Variants in CHUK observed in about 807,000 individuals in gnomAD.
CHUK encodes the protein inhibitor of nuclear factor kappa-B kinase subunit alpha.
CHUK carries 35 observed loss-of-function variants against 104.8 expected under a neutral mutation model. The observed-to-expected ratio is 0.33, with a 90% CI of 0.26 to 0.44. The LOEUF is 0.44. Among genes scored for constraint, CHUK ranks in the 20% least tolerant of loss-of-function variants. The pLI, the probability that CHUK is intolerant of heterozygous loss-of-function variation, is 1.00. For missense variants in CHUK, 663 were observed against 902.7 expected (o/e 0.73, Z 3.40); for synonymous variants, 276 against 291.9 (o/e 0.95, Z 0.56).
intron 9 of CHUK, among the ~76,000 whole-genome samples, chr10:100,211,421 C>T (rs1328347812): frequency 6.6e-6 from 1 of 151,994 alleles, no homozygotes; most frequent in Non-Finnish European, 1.5e-5. Flanking sequence ...CATTTTTGTA[C>T]CTTTTTTTTC....
At position 100,201,940 on chromosome 10, in the gene CHUK, C is replaced by A; in HGVS notation, c.1569+148G>T. The A allele has an allele frequency of 7.2e-6, 5 of 690,222 alleles. No homozygotes were observed. In the South Asian group the frequency reaches 7.8e-5, roughly 11 times the overall value. The allele number at this position is 690,222 out of a possible 1,614,324, so 42.8% of individuals were successfully genotyped here. The stretch of plus-strand genomic sequence containing the variant: ...CTTGTTTTTAATCACTATGATACAT[C>A]CCTCTTTATATACAAAGCATCTACT... On this transcript the variant is annotated intron_variant, in intron 14 of 20. Coordinates refer to ENST00000370397, the MANE Select transcript of CHUK (RefSeq NM_001278.5).
intron 9 of CHUK, among the ~76,000 whole-genome samples, chr10:100,216,342 A>G (rs562343268): frequency 1.5e-4 from 23 of 152,348 alleles, no homozygotes; most frequent in African/African-American, 4.6e-4. Context: ...CCAAATCAAG[A>G]AGAAGCCAGG....
At chr10:100,203,559 GTA>G (rs2134219999) in intron 13 of CHUK, among the ~76,000 whole-genome samples, 1 of 152,046 alleles carries the variant, frequency 6.6e-6, no homozygotes, top group South Asian at 2.1e-4. Flanking sequence ...CTCAGGACAA[GTA>G]TATGTTTTTA....
intron 5 of CHUK, 81 bp from the exon 6 acceptor site, chr10:100,219,440 T>C (rs952489005): frequency 2.4e-6 from 2 of 831,006 alleles, no homozygotes; most frequent in South Asian, 1.4e-5. Context: ...TACGAGGCTG[T>C]AGACAGGGTA....
At chr10:100,198,674 A>C (rs1845393313) in intron 16 of CHUK, among the ~76,000 whole-genome samples, 2 of 152,214 alleles carry the variant, frequency 1.3e-5, no homozygotes, top group South Asian at 4.1e-4. Flanking sequence ...GTCAGACTAA[A>C]CTGAATACAT....
chr10:100,219,210 T>C, intron 6 of CHUK, 60 bp downstream of exon 6: 1 of 1,559,552 alleles, frequency 6.4e-7, no homozygotes, highest in South Asian at 1.1e-5. Flanking sequence ...ATATTCATGA[T>C]CTTCAGAAAT....
At chr10:100,217,513 A>G (rs1845886114) in intron 9 of CHUK, among the ~76,000 whole-genome samples, 1 of 152,252 alleles carries the variant, frequency 6.6e-6, no homozygotes, top group Admixed American at 6.5e-5. Flanking sequence ...AAGACCACAG[A>G]GAAGCAAACT....
intron 18 of CHUK, 81 bp from the exon 19 acceptor site, chr10:100,193,512 G>T: frequency 6.5e-7 from 1 of 1,532,606 alleles, no homozygotes; most frequent in Non-Finnish European, 9.0e-7. Flanking sequence ...ATATTCCTAA[G>T]ACTTACATTT....
At chr10:100,197,254 A>T (rs1317887494) in intron 16 of CHUK, among the ~76,000 whole-genome samples, 1 of 152,200 alleles carries the variant, frequency 6.6e-6, no homozygotes, top group Non-Finnish European at 1.5e-5. Context: ...GTATAATCTT[A>T]TGGGACTACC....
chr10:100,225,459 C>A (rs1846083468), intron 2 of CHUK, among the ~76,000 whole-genome samples: 1 of 152,130 alleles, frequency 6.6e-6, no homozygotes, highest in African/African-American at 2.4e-5. Context: ...CATGATATTC[C>A]GTTTCATGAA....
chr10:100,222,764 A>G (rs947225608), intron 3 of CHUK, 102 bp downstream of exon 3: 19 of 713,690 alleles, frequency 2.7e-5, no homozygotes, highest in African/African-American at 1.8e-4. Context: ...GAAGCAGACC[A>G]TAGTTTTTCC....
intron 19 of CHUK, chr10:100,193,095 CA>C: frequency 3.3e-6 from 2 of 607,280 alleles, no homozygotes; most frequent in Non-Finnish European, 5.8e-6. Flanking sequence ...ATTTCCACAG[CA>C]GTTCTATGAG....
intron 9 of CHUK, among the ~76,000 whole-genome samples, chr10:100,213,496 A>G (rs1845782176): frequency 6.6e-6 from 1 of 152,044 alleles, no homozygotes; most frequent in African/African-American, 2.4e-5. Flanking sequence ...CAAAAAAAAA[A>G]AAAAAAATTA....
chr10:100,207,211 C>T lies in CHUK; in HGVS notation c.1231+19G>A, dbSNP rs1845608783. The T allele has an allele frequency of 3.6e-6, 4 of 1,108,628 alleles. No homozygotes were observed. Among genetic ancestry groups the T allele is most frequent in the African/African-American group, 1.5e-5 (1 of 65,266 alleles). 68.7% of individuals were successfully genotyped at this position (1,108,628 alleles called of 1,614,324 possible). A position where few individuals can be genotyped will look rare whatever the true frequency, so the allele number is the denominator to read the frequency against. ...TTAATTCATGTTTAAAGCTCAGCCACTAAATGGACTGGACTTACCAATATA... is the reference window on the plus strand; with the variant it reads ...TTAATTCATGTTTAAAGCTCAGCCATTAAATGGACTGGACTTACCAATATA... On this transcript the variant is annotated intron_variant, in intron 11 of 20. Transcript: ENST00000370397.
At position 100,204,621 on chromosome 10, in the gene CHUK, T is replaced by A; in HGVS notation, c.1392A>T (p.Lys464Asn). ...ATGCTGAGATCAAAGTGTTCTTCAT[T>A]TTTGTTAAGTTAGCATTATATCTAA... Reference protein sequence around the residue: ...SLLRYNANLTKMKNTLISASQ... With the variant: ...SLLRYNANLTNMKNTLISASQ... Residue 464 changes from lysine (K) to asparagine (N), a missense_variant, in exon 13 of 21, where the codon AAA becomes AAT. Lys to Asn is a moderately conservative substitution (Grantham distance 94). This residue lies in a region of CHUK where 311 missense variants were observed against 393.4 expected (regional missense o/e 0.79). Transcript: ENST00000370397. The A allele has an allele frequency of 6.2e-7, 1 of 1,613,000 alleles. No individual in the cohort carries two copies.
chr10:100,217,245 G>A (rs1845878053), intron 9 of CHUK, among the ~76,000 whole-genome samples: 1 of 141,170 alleles, frequency 7.1e-6, no homozygotes. Flanking sequence ...GTTTACACTT[G>A]ACTTGTTAAA....
chr10:100,207,451 A>AT, intron 10 of CHUK, 119 bp from the exon 11 acceptor site: 1 of 655,058 alleles, frequency 1.5e-6, no homozygotes, highest in Non-Finnish European at 2.7e-6. Context: ...ATCAATGTGT[A>AT]TTACCATATC....
intron 10 of CHUK, among the ~76,000 whole-genome samples, chr10:100,209,123 C>T (rs1845661193): frequency 6.6e-6 from 1 of 152,204 alleles, no homozygotes; most frequent in African/African-American, 2.4e-5. Context: ...ACCTCAGCTA[C>T]AGATTAAAAG....
At chr10:100,189,889 A>C in intron 20 of CHUK, 1 of 395,992 alleles carries the variant, frequency 2.5e-6, no homozygotes, top group Non-Finnish European at 4.6e-6. Context: ...AAGCTGGAGT[A>C]CAGTGGCTAT....
Sources: allele counts gnomAD v4.1 joint callset (sites outside exome capture counted in the v4.1 genomes callset), GRCh38; gene constraint gnomAD v4.1.1; regional missense constraint gnomAD v4.1.1; transcripts MANE v1.5; gene names NCBI Gene and HGNC (gene_info 2026-07-23, HGNC 2026-07-21).